The following AUTS2 variants were observed in gnomAD, a reference collection of about 807,000 sequenced individuals.
The protein encoded by AUTS2 is autism susceptibility gene 2 protein.
Under a neutral mutation model 112.4 loss-of-function variants are expected in AUTS2, and 17 were observed. The observed-to-expected ratio is 0.15, with a 90% CI of 0.10 to 0.23. The LOEUF (loss-of-function observed/expected upper bound fraction) is 0.23. Among genes scored for constraint, AUTS2 ranks in the 10% least tolerant of loss-of-function variants. The probability of loss-of-function intolerance (pLI) is 1.00; values close to 1 mark genes in which losing one functional copy is unlikely to be tolerated. For missense variants in AUTS2, 1,510 were observed against 1,701.6 expected (o/e 0.89, Z 1.98); for synonymous variants, 751 against 702.7 (o/e 1.07, Z -1.09).
rs951392 is a variant in AUTS2 at position 70,781,912 on chromosome 7, G to T, written c.2146+156G>T. ...GGCAACATCGCAGCACATCCAGGGA[G>T]TTGGGAATCTTCATTGATACACTCT... On this transcript the variant is annotated intron_variant, in intron 15 of 18. Coordinates refer to ENST00000342771, the MANE Select transcript of AUTS2 (RefSeq NM_015570.4). The T allele has an allele frequency of 0.41, 366,787 of 890,268 alleles. 82,157 individuals carry two copies. Among genetic ancestry groups the T allele is most frequent in the Non-Finnish European group, 0.47 (280,390 of 598,466 alleles). The allele number at this position is 890,268 out of a possible 1,614,324, so 55.1% of individuals were successfully genotyped here.
chr7:70,266,719 A>G (rs1482337525), intron 4 of AUTS2, among the ~76,000 whole-genome samples: 1 of 152,232 alleles, frequency 6.6e-6, no homozygotes, highest in Non-Finnish European at 1.5e-5. Flanking sequence ...TTATACCTCA[A>G]TAAAGCTGTT....
chr7:70,086,430 TCAGGAGTTCAAGAC>T (rs1042349260), intron 2 of AUTS2, among the ~76,000 whole-genome samples: 1 of 152,030 alleles, frequency 6.6e-6, no homozygotes, highest in Admixed American at 6.6e-5. Flanking sequence ...TCACCTGAGG[TCAGGAGTTCAAGAC>T]CAGCCTGGCC....
intron 1 of AUTS2, among the ~76,000 whole-genome samples, chr7:69,742,111 C>CTTTTTTTT (rs752148406): frequency 8.0e-6 from 1 of 125,712 alleles, no homozygotes; most frequent in Non-Finnish European, 1.7e-5. Context: ...CCTATTTTAC[C>CTTTTTTTT]TTTTTTTTTT....
chr7:69,766,554 G>T (rs1345922826), intron 1 of AUTS2, among the ~76,000 whole-genome samples: 1 of 152,120 alleles, frequency 6.6e-6, no homozygotes, highest in Non-Finnish European at 1.5e-5. Context: ...AGATTTTTAA[G>T]AAGTACATTT....
chr7:70,660,193 GA>G (rs771797144), intron 5 of AUTS2, among the ~76,000 whole-genome samples: 1 of 151,234 alleles, frequency 6.6e-6, no homozygotes. Context: ...AAAAAGAAAA[GA>G]AAAAAAGGAA....
chr7:69,784,126 C>A (rs1276364181), intron 1 of AUTS2, among the ~76,000 whole-genome samples: 1 of 152,164 alleles, frequency 6.6e-6, no homozygotes, highest in East Asian at 1.9e-4. Flanking sequence ...GGCTTGGAAA[C>A]ATGGAGGGCC....
chr7:69,679,242 C>T (rs1796693981), intron 1 of AUTS2, among the ~76,000 whole-genome samples: 1 of 152,146 alleles, frequency 6.6e-6, no homozygotes, highest in Non-Finnish European at 1.5e-5. Flanking sequence ...AAGAATTGAC[C>T]AGTGTGTCAG....
intron 5 of AUTS2, among the ~76,000 whole-genome samples, chr7:70,446,556 T>C (rs1043717119): frequency 2.0e-5 from 3 of 152,198 alleles, no homozygotes; most frequent in African/African-American, 4.8e-5. Flanking sequence ...GTTGAAGTGA[T>C]ATTTTCCGCT....
intron 4 of AUTS2, chr7:70,194,780 T>C (rs965352043): frequency 1.3e-5 from 2 of 152,222 alleles, no homozygotes; most frequent in Non-Finnish European, 2.9e-5. Flanking sequence ...TGAAGCTAAA[T>C]GTCAAATGTA....
chr7:70,754,490 AAAAAT>A (rs1789065969), intron 6 of AUTS2, among the ~76,000 whole-genome samples: 2 of 152,348 alleles, frequency 1.3e-5, no homozygotes, highest in South Asian at 4.1e-4. Context: ...CTGTGTCCAA[AAAAAT>A]AAAATAAAAT....
chr7:69,869,960 A>G (rs939427316), intron 1 of AUTS2, among the ~76,000 whole-genome samples: 30 of 152,268 alleles, frequency 2.0e-4, no homozygotes, highest in African/African-American at 7.2e-4. Flanking sequence ...GCCTTATCTG[A>G]TTAAAAATGA....
chr7:70,001,075 G>C (rs1219321877), intron 2 of AUTS2, among the ~76,000 whole-genome samples: 1 of 152,164 alleles, frequency 6.6e-6, no homozygotes, highest in Non-Finnish European at 1.5e-5. Context: ...AGTACTAGCA[G>C]AGCCTAAAAA....
intron 4 of AUTS2, among the ~76,000 whole-genome samples, chr7:70,347,450 G>A (rs1000996404): frequency 6.6e-6 from 1 of 152,124 alleles, no homozygotes; most frequent in Non-Finnish European, 1.5e-5. Flanking sequence ...TAATGAAGGT[G>A]GGCATGTATG....
intron 4 of AUTS2, among the ~76,000 whole-genome samples, chr7:70,242,640 A>G (rs1812681959): frequency 6.6e-6 from 1 of 152,226 alleles, no homozygotes; most frequent in African/African-American, 2.4e-5. Context: ...TGAAAATATT[A>G]TCATGCCCCT....
At chr7:69,802,909 C>T (rs1790146316) in intron 1 of AUTS2, among the ~76,000 whole-genome samples, 1 of 152,180 alleles carries the variant, frequency 6.6e-6, no homozygotes, top group Non-Finnish European at 1.5e-5. Context: ...TTTATATTGA[C>T]AGTTCTTCAG....
At chr7:69,670,555 CAAAAAAAAAA>C (rs200373158) in intron 1 of AUTS2, among the ~76,000 whole-genome samples, 72 of 119,040 alleles carry the variant, frequency 6.0e-4, no homozygotes, top group African/African-American at 2.2e-3. Flanking sequence ...CTTGATCCCT[CAAAAAAAAAA>C]AAAAAAAAAA....
At position 70,567,704 on chromosome 7, in the gene AUTS2, G is replaced by A. The variant is rs114504954; in HGVS notation, c.691-130865G>A. ...ATGGCCAGCAGCAATGGCGTAGGGA[G>A]GCCTGAGTGTTAGCTTGAGGGTTCA... On this transcript the variant is annotated intron_variant, in intron 5 of 18. Transcript: ENST00000342771. 4.1e-3 allele frequency among the ~76,000 whole-genome samples: 628 copies of A among 152,312 alleles called. 6 individuals carry two copies. The highest frequency in any genetic ancestry group is 0.014 in the African/African-American group (575 of 41,568).
At chr7:70,362,869 G>T (rs954227776) in intron 4 of AUTS2, among the ~76,000 whole-genome samples, 2 of 152,216 alleles carry the variant, frequency 1.3e-5, no homozygotes, top group Non-Finnish European at 2.9e-5. Context: ...GTAAGCTACA[G>T]TGGTGAACAT....
intron 2 of AUTS2, among the ~76,000 whole-genome samples, chr7:69,907,020 T>A (rs546594595): frequency 4.6e-5 from 7 of 152,242 alleles, no homozygotes; most frequent in South Asian, 4.2e-4. Context: ...AGTGGGAGGA[T>A]TGCAAGGGCC....
Sources: gnomAD v4.1 joint callset for allele counts (sites outside exome capture counted in the v4.1 genomes callset) on GRCh38, gnomAD v4.1.1 for gene constraint, MANE v1.5 for transcripts, NCBI Gene and HGNC (gene_info 2026-07-23, HGNC 2026-07-21) for gene names.